The following TACC1 variants were observed in gnomAD, a reference collection of about 807,000 sequenced individuals.
TACC1 encodes transforming acidic coiled-coil containing protein 1.
TACC1 carries 48 observed loss-of-function variants against 84.4 expected under a neutral mutation model. The observed-to-expected ratio is 0.57, with a 90% confidence interval of 0.45 to 0.72. The LOEUF is 0.72. TACC1 is among the 30% of genes least tolerant of loss of function. TACC1 has a pLI of 0.00. For missense variants in TACC1, 920 were observed against 973.0 expected, an observed-to-expected ratio of 0.95 and a Z score of 0.72; for synonymous variants, 372 against 376.3, an observed-to-expected ratio of 0.99 and a Z score of 0.13.
chr8:38,843,485 G>A (rs953792227), intron 11 of TACC1, 90 bp downstream of exon 11: 1 of 893,520 alleles, frequency 1.1e-6, no homozygotes, highest in South Asian at 2.0e-5. Flanking sequence ...GCAACTCCAG[G>A]TTGTATTTTT....
chr8:38,843,233 G>T, intron 10 of TACC1, 56 bp from the exon 11 acceptor site: 1 of 1,193,856 alleles, frequency 8.4e-7, no homozygotes, highest in Non-Finnish European at 1.2e-6. Context: ...TCTGATATGT[G>T]GTAGATTAGA....
intron 3 of TACC1, among the ~76,000 whole-genome samples, chr8:38,764,639 G>A (rs1372232402): frequency 6.6e-6 from 1 of 152,088 alleles, no homozygotes; most frequent in Non-Finnish European, 1.5e-5. Context: ...AGGCCAGCTA[G>A]CATTTATTGA....
intron 7 of TACC1, among the ~76,000 whole-genome samples, chr8:38,838,026 G>C (rs1198642716): frequency 6.6e-6 from 1 of 152,258 alleles, no homozygotes. Context: ...AAGAGAATGT[G>C]TTGCTCATGC....
intron 2 of TACC1, among the ~76,000 whole-genome samples, chr8:38,790,433 T>C (rs1231120265): frequency 6.6e-6 from 1 of 152,164 alleles, no homozygotes; most frequent in Non-Finnish European, 1.5e-5. Context: ...AACAGAGGGA[T>C]TGTGATTCAG....
At chr8:38,734,427 C>T (rs1563740286) in intron 1 of TACC1, among the ~76,000 whole-genome samples, 1 of 152,114 alleles carries the variant, frequency 6.6e-6, no homozygotes, top group Non-Finnish European at 1.5e-5. Flanking sequence ...AACTTCTGAC[C>T]TCAGGTGATC....
At chr8:38,811,323 C>G (rs898834385) in intron 2 of TACC1, among the ~76,000 whole-genome samples, 1 of 152,086 alleles carries the variant, frequency 6.6e-6, no homozygotes, top group African/African-American at 2.4e-5. Flanking sequence ...GTTTCAAAGG[C>G]TAAAACTTAC....
intron 2 of TACC1, among the ~76,000 whole-genome samples, chr8:38,793,103 T>A (rs1246365906): frequency 1.3e-5 from 2 of 152,184 alleles, no homozygotes; most frequent in Non-Finnish European, 2.9e-5. Flanking sequence ...GTAGAAGCTC[T>A]CACATCACCC....
At chr8:38,778,382 T>G (rs1337946050) in intron 3 of TACC1, among the ~76,000 whole-genome samples, 1 of 152,134 alleles carries the variant, frequency 6.6e-6, no homozygotes, top group African/African-American at 2.4e-5. Flanking sequence ...TTTGACAGTT[T>G]TATCCAGTTT....
intron 3 of TACC1, among the ~76,000 whole-genome samples, chr8:38,754,728 G>C (rs1609514): frequency 0.44 from 66,304 of 152,108 alleles, 15,112 homozygotes; most frequent in African/African-American, 0.57. Context: ...TCCAGCCTCA[G>C]TATACTTTTA....
chr8:38,827,346 T>C lies in TACC1; in HGVS notation c.1631T>C (p.Ile544Thr), dbSNP rs1204352930. The change falls in exon 5 of 13, where the codon ATA (isoleucine) becomes ACA (threonine). Residue 544 changes from isoleucine (I) to threonine (T), a missense_variant. Ile to Thr is a moderately conservative substitution (Grantham distance 89). Transcript: ENST00000317827. ...TGTTCCAATGTTCCTGTGTCTACCATAAATCATGCGTTTTCATCCTCAGAA... is the reference window on the plus strand; with the variant it reads ...TGTTCCAATGTTCCTGTGTCTACCACAAATCATGCGTTTTCATCCTCAGAA... ...FECSNVPVSTINHAFSSSEAG... is the reference protein window; with the variant it reads ...FECSNVPVSTTNHAFSSSEAG... The C allele has an allele frequency of 1.2e-6, 2 of 1,614,224 alleles. No homozygotes were observed. Among genetic ancestry groups the C allele is most frequent in the Non-Finnish European group, 1.7e-6 (2 of 1,180,036 alleles).
At chr8:38,822,259 A>AC (rs1827034834) in intron 3 of TACC1, among the ~76,000 whole-genome samples, 1 of 151,306 alleles carries the variant, frequency 6.6e-6, no homozygotes, top group South Asian at 2.1e-4. Flanking sequence ...AAAAAAAAAA[A>AC]AAAAAAACTA....
chr8:38,749,956 A>G (rs1808741291), intron 3 of TACC1, among the ~76,000 whole-genome samples: 1 of 152,226 alleles, frequency 6.6e-6, no homozygotes, highest in Admixed American at 6.5e-5. Flanking sequence ...GAATAAAGAC[A>G]AAAACACAGA....
At chr8:38,758,678 CAA>C (rs773304871) in intron 3 of TACC1, among the ~76,000 whole-genome samples, 34 of 26,096 alleles carry the variant, frequency 1.3e-3, no homozygotes, top group African/African-American at 2.7e-3. Flanking sequence ...GACTCCATCT[CAA>C]AAAAAAAAAA....
intron 9 of TACC1, among the ~76,000 whole-genome samples, chr8:38,841,567 A>G (rs1409025918): frequency 6.6e-6 from 1 of 152,172 alleles, no homozygotes; most frequent in African/African-American, 2.4e-5. Flanking sequence ...TTAGGATTAC[A>G]AATAAATTTT....
intron 2 of TACC1, among the ~76,000 whole-genome samples, chr8:38,805,297 G>A (rs1290200480): frequency 1.3e-5 from 2 of 152,164 alleles, no homozygotes; most frequent in Non-Finnish European, 2.9e-5. Flanking sequence ...AAATCAGTTG[G>A]CTTTCAAAAA....
chr8:38,807,035 A>T (rs1470607451), intron 2 of TACC1, among the ~76,000 whole-genome samples: 3 of 152,214 alleles, frequency 2.0e-5, no homozygotes, highest in Admixed American at 6.5e-5. Context: ...CTGGTTTGTT[A>T]TAAAGGATAC....
At chr8:38,735,053 A>G (rs903045171) in intron 1 of TACC1, among the ~76,000 whole-genome samples, 4 of 152,244 alleles carry the variant, frequency 2.6e-5, no homozygotes, top group African/African-American at 9.6e-5. Flanking sequence ...AGGATACGTC[A>G]TGGAAAAGAG....
intron 3 of TACC1, among the ~76,000 whole-genome samples, chr8:38,747,340 A>G (rs115701339): frequency 0.03 from 4,497 of 152,288 alleles, 237 homozygotes; most frequent in African/African-American, 0.1. Context: ...TGATTCAACA[A>G]TCTTACTCCT....
At position 38,807,366 on chromosome 8, in the gene TACC1, G is replaced by C. The variant is rs1458347362; in HGVS notation, c.278-12156G>C. On this transcript the variant is annotated intron_variant, in intron 2 of 12. Transcript: ENST00000317827. ...TCAGAAAGAGAGCCAGCGTGTGTAT[G>C]TGAGAATACAGGAGACTTGTCCAAA... 2.0e-5 allele frequency among the ~76,000 whole-genome samples: 3 copies of C among 152,220 alleles called. No individual in the cohort carries two copies. The East Asian group carries it at 5.8e-4, about 29-fold the overall frequency.
Sources: allele counts gnomAD v4.1 joint callset (sites outside exome capture counted in the v4.1 genomes callset), GRCh38; gene constraint gnomAD v4.1.1; transcripts MANE v1.5; gene names NCBI Gene and HGNC (gene_info 2026-07-23, HGNC 2026-07-21).